Variants in PIK3R5 observed in about 807,000 individuals in gnomAD.
PIK3R5 encodes phosphoinositide-3-kinase regulatory subunit 5, also known as phosphoinositide 3-kinase regulatory subunit 5.
In PIK3R5, 32 loss-of-function variants were observed where a neutral mutation model predicts 94.9. The ratio of observed to expected loss-of-function variants is 0.34; its 90% confidence interval spans 0.25 to 0.45. The LOEUF (loss-of-function observed/expected upper bound fraction) is 0.45. PIK3R5 is among the 20% of genes least tolerant of loss of function. The pLI is 1.00. For synonymous variants in PIK3R5, 443 were observed against 479.4 expected (o/e 0.92, Z 0.99); for missense variants, 853 against 1,144.6 (o/e 0.75, Z 3.68).
intron 1 of PIK3R5, among the ~76,000 whole-genome samples, chr17:8,961,969 A>G (rs141562766): frequency 9.5e-4 from 145 of 152,360 alleles, no homozygotes; most frequent in Non-Finnish European, 5.0e-4. Flanking sequence ...CTATCCTACA[A>G]GCAAGCAACC....
At chr17:8,885,895 T>C (rs1052210607) in intron 14 of PIK3R5, among the ~76,000 whole-genome samples, 19 of 44,918 alleles carry the variant, frequency 4.2e-4, no homozygotes, top group East Asian at 1.4e-3. Flanking sequence ...CCGGTAACCC[T>C]GCCTCCCCAA....
chr17:8,935,210 G>A lies in PIK3R5; in HGVS notation c.-13-23703C>T, dbSNP rs891203432. Among the ~76,000 whole-genome samples the A allele has an allele frequency of 1.5e-4, 23 of 152,040 alleles. No individual in the cohort carries two copies. The highest frequency in any genetic ancestry group is 5.3e-4 in the African/African-American group (22 of 41,392). On this transcript the variant is annotated intron_variant, in intron 1 of 18. Coordinates refer to ENST00000447110, the MANE Select transcript of PIK3R5 (RefSeq NM_001142633.3). This position sits in a 1 kb window ranked among gnomAD's most constrained non-coding sequence, Gnocchi z 4.5. ...TCTCTAGCGGGCTTTCAACTCTGAC[G>A]TCAATGTCCCATCTAACATAATGGT...
At chr17:8,965,030 CG>C (rs1407330182) in intron 1 of PIK3R5, among the ~76,000 whole-genome samples, 5 of 151,484 alleles carry the variant, frequency 3.3e-5, no homozygotes, top group Non-Finnish European at 5.9e-5. Context: ...CACACACACA[CG>C]AGTCACGCGG....
At chr17:8,943,313 C>T (rs1251263858) in intron 1 of PIK3R5, among the ~76,000 whole-genome samples, 1 of 151,766 alleles carries the variant, frequency 6.6e-6, no homozygotes, top group African/African-American at 2.4e-5. Flanking sequence ...TGGTCTCAAA[C>T]TCCTGGCCTC....
At position 8,909,063 on chromosome 17, in the gene PIK3R5, C is replaced by A. The variant is rs759640227; in HGVS notation, c.204+11G>T. The stretch of plus-strand genomic sequence containing the variant: ...CCCAGATCTGCCCTTCAATTCCTGA[C>A]TCCCCCTCACCTCTCGGGTCTTCTG... On this transcript the variant is annotated intron_variant, in intron 3 of 18. Coordinates refer to ENST00000447110, the MANE Select transcript of PIK3R5 (RefSeq NM_001142633.3). The surrounding 1 kb of genome is among the most constrained non-coding windows in gnomAD (Gnocchi z 4.3). 5.1e-6 allele frequency: 8 copies of A among 1,560,992 alleles called. No homozygotes were observed. In the Admixed American group the frequency reaches 1.0e-4, roughly 20 times the overall value.
chr17:8,922,456 T>C (rs949201379), intron 1 of PIK3R5, among the ~76,000 whole-genome samples: 2 of 152,132 alleles, frequency 1.3e-5, no homozygotes, highest in Admixed American at 1.3e-4. Flanking sequence ...GTTCCTATGG[T>C]CACAATTCCT....
intron 14 of PIK3R5, among the ~76,000 whole-genome samples, chr17:8,885,554 T>C: frequency 1.1e-5 from 1 of 89,704 alleles, no homozygotes; most frequent in Non-Finnish European, 2.2e-5. Context: ...TAACCCTGCC[T>C]CCCCAAGGCC....
intron 1 of PIK3R5, among the ~76,000 whole-genome samples, chr17:8,964,969 CG>C (rs2091638820): frequency 6.6e-6 from 1 of 151,606 alleles, no homozygotes; most frequent in African/African-American, 2.4e-5. Flanking sequence ...TACCCCAGGC[CG>C]GGATGGGCCA....
At position 8,909,918 on chromosome 17, in the gene PIK3R5, C is replaced by T. The variant is rs1253900448; in HGVS notation, c.104-744G>A. ...AGCCACGGTGAGTTCCATCCCAAGA[C>T]GCAAGACTGAGTCTACAGCAGCCAT... On this transcript the variant is annotated intron_variant, in intron 2 of 18. Transcript: ENST00000447110. This position sits in a 1 kb window ranked among gnomAD's most constrained non-coding sequence, Gnocchi z 4.3. Among the ~76,000 whole-genome samples the T allele has an allele frequency of 1.3e-5, 2 of 152,202 alleles. No individual in the cohort carries two copies. Among genetic ancestry groups the T allele is most frequent in the Non-Finnish European group, 2.9e-5 (2 of 68,038 alleles).
In PIK3R5 at chr17:8,882,387, G is replaced by A. The variant is rs528175458; in HGVS notation, c.2206-506C>T. ...GGGCTTTCGTGATGGCACCTTCCTG[G>A]TTTTTCTAGCGCCTCTCTGGCTGGT... On this transcript the variant is annotated intron_variant, in intron 15 of 18. Transcript: ENST00000447110. This position sits in a 1 kb window ranked among gnomAD's most constrained non-coding sequence, Gnocchi z 4.1. The A allele has an allele frequency of 6.1e-6, 1 of 163,786 alleles. No homozygotes were observed. Among genetic ancestry groups the A allele is most frequent in the East Asian group, 1.7e-4 (1 of 5,796 alleles). The allele number at this position is 163,786 out of a possible 1,614,324, so 10.1% of individuals were successfully genotyped here. A position where few individuals can be genotyped will look rare whatever the true frequency, so the allele number is the denominator to read the frequency against.
In PIK3R5 at chr17:8,889,897, G is replaced by A. The variant is rs773001353; in HGVS notation, c.811+76C>T. Reference sequence around the variant, plus strand: ...TGTGTGGAGCAGAGCCACCAGGCCCGCCTGGACCGTGCACCTTGGGACCTA... The same window carrying A: ...TGTGTGGAGCAGAGCCACCAGGCCCACCTGGACCGTGCACCTTGGGACCTA... On this transcript the variant is annotated intron_variant, in intron 8 of 18. Transcript: ENST00000447110. This position sits in a 1 kb window ranked among gnomAD's most constrained non-coding sequence, Gnocchi z 4.1. 252 of 1,527,808 alleles carry A rather than the reference G, an allele frequency of 1.6e-4. No individual in the cohort carries two copies. Among genetic ancestry groups the A allele is most frequent in the Non-Finnish European group, 1.8e-4 (195 of 1,108,628 alleles). 94.6% of individuals were successfully genotyped at this position (1,527,808 alleles called of 1,614,324 possible). A position where few individuals can be genotyped will look rare whatever the true frequency, so the allele number is the denominator to read the frequency against.
chr17:8,886,162 C>G, intron 14 of PIK3R5, 67 bp downstream of exon 14: 1 of 1,251,656 alleles, frequency 8.0e-7, no homozygotes, highest in African/African-American at 1.5e-5. Flanking sequence ...ACCCCACCTC[C>G]ACAGAGCTCC....
At chr17:8,887,401 G>A in intron 11 of PIK3R5, 120 bp downstream of exon 11, 1 of 1,321,366 alleles carries the variant, frequency 7.6e-7, no homozygotes, top group Non-Finnish European at 1.0e-6. Flanking sequence ...GGGAGTGAGG[G>A]CCAGGCAGGG....
At chr17:8,928,219 C>T (rs189432258) in intron 1 of PIK3R5, among the ~76,000 whole-genome samples, 1,659 of 151,930 alleles carry the variant, frequency 0.011, 14 homozygotes, top group Middle Eastern at 0.02. Context: ...GAAAGAAGGC[C>T]GGGCTGAAAA....
At position 8,945,812 on chromosome 17, in the gene PIK3R5, G is replaced by A. The variant is rs922390940; in HGVS notation, c.-14+19784C>T. Among the ~76,000 whole-genome samples, 30 of 152,214 alleles carry A rather than the reference G, an allele frequency of 2.0e-4. No homozygotes were observed. The highest frequency in any genetic ancestry group is 1.9e-4 in the East Asian group (1 of 5,202). On this transcript the variant is annotated intron_variant, in intron 1 of 18. Transcript: ENST00000447110. This position sits in a 1 kb window ranked among gnomAD's most constrained non-coding sequence, Gnocchi z 4.0. ...AATCAAAACAGATTATAGCGGAAGT[G>A]ATGCTGTGTGGCTTCCAAGGCTAGG...
rs1041554755 is a variant in PIK3R5, at chr17:8,935,469, C to T, written c.-13-23962G>A. On this transcript the variant is annotated intron_variant, in intron 1 of 18. Coordinates refer to ENST00000447110, the MANE Select transcript of PIK3R5 (RefSeq NM_001142633.3). This position sits in a 1 kb window ranked among gnomAD's most constrained non-coding sequence, Gnocchi z 4.5. ...GCCACCCACAGTGTGGGCAGGTTGC[C>T]TGGGAGACCTGCTTCCTTCCTTGTT... Among the ~76,000 whole-genome samples, 2 of 152,178 alleles carry T rather than the reference C, an allele frequency of 1.3e-5. No homozygotes were observed. The highest frequency in any genetic ancestry group is 2.9e-5 in the Non-Finnish European group (2 of 68,032).
At chr17:8,887,408 AG>A (rs1179148493) in intron 11 of PIK3R5, 112 bp downstream of exon 11, 5 of 1,335,968 alleles carry the variant, frequency 3.7e-6, no homozygotes, top group African/African-American at 2.9e-5. Context: ...AGGGCCAGGC[AG>A]GGGGAGGTGC....
chr17:8,939,755 C>G (rs1234655011), intron 1 of PIK3R5, among the ~76,000 whole-genome samples: 1 of 152,208 alleles, frequency 6.6e-6, no homozygotes, highest in Admixed American at 6.5e-5. Context: ...AGAATCTCTG[C>G]TCCCCAGAAG....
At position 8,931,326 on chromosome 17, in the gene PIK3R5, A is replaced by G. The variant is rs572982167; in HGVS notation, c.-13-19819T>C. 1.0e-3 allele frequency among the ~76,000 whole-genome samples: 154 copies of G among 152,324 alleles called. 1 individual carries two copies. The highest frequency in any genetic ancestry group is 2.7e-3 in the South Asian group (13 of 4,830). ...ACCCAAAAGAAGGGGTGCTTTCACC[A>G]TCAGATGAGAAGGGATAATTGGCAC... is the stretch of plus-strand genomic sequence containing the variant. On this transcript the variant is annotated intron_variant, in intron 1 of 18. Coordinates refer to ENST00000447110, the MANE Select transcript of PIK3R5 (RefSeq NM_001142633.3).
Sources: gnomAD v4.1 joint callset for allele counts (sites outside exome capture counted in the v4.1 genomes callset) on GRCh38, gnomAD v4.1.1 for gene constraint, Gnocchi (gnomAD v3.1) non-coding constraint, MANE v1.5 for transcripts, NCBI Gene and HGNC (gene_info 2026-07-23, HGNC 2026-07-21) for gene names.